The following FGF12 variants were observed in gnomAD, a reference collection of about 807,000 sequenced individuals.
The protein encoded by FGF12 is fibroblast growth factor 12.
A neutral mutation model predicts 23.6 loss-of-function variants in FGF12; 14 were observed. The observed-to-expected ratio is 0.59, with a 90% CI of 0.39 to 0.93. The LOEUF is 0.93. FGF12 is among the 40% of genes least tolerant of loss of function. FGF12 has a pLI of 0.00. For synonymous variants in FGF12, 62 were observed against 77.3 expected (o/e 0.80, Z 1.04); for missense variants, 175 against 217.8 (o/e 0.80, Z 1.24).
intron 2 of FGF12, among the ~76,000 whole-genome samples, chr3:192,709,359 G>T (rs959812479): frequency 6.6e-6 from 1 of 152,170 alleles, no homozygotes; most frequent in African/African-American, 2.4e-5. Context: ...TGTATCCAAA[G>T]TACAGCTCCT....
At chr3:192,334,954 G>A (rs1204560215) in intron 4 of FGF12, among the ~76,000 whole-genome samples, 1 of 151,962 alleles carries the variant, frequency 6.6e-6, no homozygotes, top group Non-Finnish European at 1.5e-5. Context: ...AATTATGAAC[G>A]TTTTTTTCTC....
intron 2 of FGF12, among the ~76,000 whole-genome samples, chr3:192,629,878 G>A (rs1052387089): frequency 2.0e-5 from 3 of 152,102 alleles, no homozygotes; most frequent in Non-Finnish European, 4.4e-5. Context: ...TATAACACAA[G>A]AACACGTATT....
chr3:192,602,453 T>C (rs1560165855), intron 2 of FGF12, among the ~76,000 whole-genome samples: 1 of 152,034 alleles, frequency 6.6e-6, no homozygotes, highest in Non-Finnish European at 1.5e-5. Flanking sequence ...ACTAAGCAAA[T>C]CCTTCTACCA....
intron 4 of FGF12, among the ~76,000 whole-genome samples, chr3:192,261,785 G>T (rs554207358): frequency 5.3e-5 from 8 of 152,252 alleles, no homozygotes; most frequent in Admixed American, 1.3e-4. Context: ...AGAGTCAGAC[G>T]AGGAAAACTC....
At chr3:192,470,662 C>T (rs1040815259) in intron 2 of FGF12, among the ~76,000 whole-genome samples, 4 of 152,176 alleles carry the variant, frequency 2.6e-5, no homozygotes, top group African/African-American at 9.6e-5. Context: ...GTGCTGGTAT[C>T]ACAGGCATGA....
intron 3 of FGF12, among the ~76,000 whole-genome samples, chr3:192,352,253 G>C (rs907031064): frequency 2.3e-4 from 35 of 152,148 alleles, no homozygotes; most frequent in African/African-American, 8.2e-4. Context: ...CACAGTCCCA[G>C]AACAGAGATT....
chr3:192,704,370 T>C (rs1365955071), intron 2 of FGF12, among the ~76,000 whole-genome samples: 1 of 152,196 alleles, frequency 6.6e-6, no homozygotes, highest in Non-Finnish European at 1.5e-5. Context: ...AATCTCCTTG[T>C]ATTTCTCCAT....
At chr3:192,264,526 G>A (rs543868941) in intron 4 of FGF12, among the ~76,000 whole-genome samples, 12 of 152,052 alleles carry the variant, frequency 7.9e-5, no homozygotes, top group Admixed American at 5.2e-4. Flanking sequence ...TTCAAAGAGC[G>A]TAATTAAAAT....
intron 2 of FGF12, among the ~76,000 whole-genome samples, chr3:192,389,692 T>G (rs1413820417): frequency 6.6e-6 from 1 of 152,238 alleles, no homozygotes; most frequent in Non-Finnish European, 1.5e-5. Context: ...AGTTATTAAG[T>G]ATTAGACCCA....
chr3:192,306,590 A>G (rs942100029), intron 4 of FGF12, among the ~76,000 whole-genome samples: 3 of 152,170 alleles, frequency 2.0e-5, no homozygotes, highest in Non-Finnish European at 2.9e-5. Flanking sequence ...TTCTTGACAT[A>G]TATTTCTAAG....
intron 2 of FGF12, among the ~76,000 whole-genome samples, chr3:192,492,537 T>C (rs1220965374): frequency 6.6e-6 from 1 of 152,116 alleles, no homozygotes; most frequent in Admixed American, 6.6e-5. Context: ...AAGCACGGTA[T>C]ACAAAATTAT....
At chr3:192,647,798 T>C (rs1438473594) in intron 2 of FGF12, among the ~76,000 whole-genome samples, 1 of 151,168 alleles carries the variant, frequency 6.6e-6, no homozygotes, top group Non-Finnish European at 1.5e-5. Context: ...GAATATATGA[T>C]GGAGATTCCA....
At chr3:192,679,860 G>A (rs1277697271) in intron 2 of FGF12, among the ~76,000 whole-genome samples, 1 of 152,174 alleles carries the variant, frequency 6.6e-6, no homozygotes, top group African/African-American at 2.4e-5. Context: ...GGGAGCCGAG[G>A]ACTTTATGTT....
Position 192,170,476 on chromosome 3 carries a change from C to A in FGF12, c.409G>T (p.Val137Leu). The A allele has an allele frequency of 6.2e-7, 1 of 1,613,876 alleles. No homozygotes were observed. The highest frequency in any genetic ancestry group is 8.5e-7 in the Non-Finnish European group (1 of 1,179,930). ...VKKTKPSSHF[V>L]PKPIEVCMYR... The stretch of plus-strand genomic sequence containing the variant: ...TTCATACCTTCAATAGGTTTCGGTA[C>A]AAAATGTGATGAGGGCTTGGTTTTC... The change falls in exon 5 of 6, where the codon GTA (valine) becomes TTA (leucine). Residue 137 changes from valine to leucine, a missense_variant. Val to Leu is a conservative substitution (Grantham distance 32). Coordinates refer to ENST00000445105, the MANE Select transcript of FGF12 (RefSeq NM_004113.6).
Position 192,189,439 on chromosome 3 carries a change from C to T in FGF12, c.229-18783G>A, listed in dbSNP as rs76650951. ...TGACGCACCTCTCTCCTCTCTTTGC[C>T]GTCTGTTACAAACTAAACTGTGCCT... On this transcript the variant is annotated intron_variant, in intron 4 of 5. Coordinates refer to ENST00000445105, the MANE Select transcript of FGF12 (RefSeq NM_004113.6). 3.3e-3 allele frequency among the ~76,000 whole-genome samples: 506 copies of T among 152,240 alleles called. 8 individuals carry two copies. The highest frequency in any genetic ancestry group is 0.032 in the East Asian group (163 of 5,162).
At chr3:192,662,964 C>T (rs1373843925) in intron 2 of FGF12, among the ~76,000 whole-genome samples, 1 of 152,184 alleles carries the variant, frequency 6.6e-6, no homozygotes, top group African/African-American at 2.4e-5. Flanking sequence ...ACAGTAGAGG[C>T]AATTCCCTTC....
intron 4 of FGF12, among the ~76,000 whole-genome samples, chr3:192,173,400 ATG>A (rs1362711260): frequency 1.3e-5 from 2 of 150,818 alleles, no homozygotes; most frequent in Non-Finnish European, 3.0e-5. Context: ...ATGATAACCC[ATG>A]TGAAGGAAAA....
chr3:192,714,563 G>A (rs1172715184), intron 2 of FGF12, among the ~76,000 whole-genome samples: 5 of 127,866 alleles, frequency 3.9e-5, no homozygotes, highest in Admixed American at 2.9e-4. Context: ...CTGTCGCCCA[G>A]GCTGGAGTGC....
chr3:192,296,827 A>G (rs1263874068), intron 4 of FGF12, among the ~76,000 whole-genome samples: 1 of 152,206 alleles, frequency 6.6e-6, no homozygotes, highest in Non-Finnish European at 1.5e-5. Flanking sequence ...TCAGAAAAAA[A>G]CATGTGGAGT....
Sources: allele counts gnomAD v4.1 joint callset (sites outside exome capture counted in the v4.1 genomes callset), GRCh38; gene constraint gnomAD v4.1.1; transcripts MANE v1.5; gene names NCBI Gene and HGNC (gene_info 2026-07-23, HGNC 2026-07-21).